Variants in ARAP2 observed in about 807,000 individuals in gnomAD.
ARAP2 encodes arf-GAP with Rho-GAP domain, ANK repeat and PH domain-containing protein 2.
ARAP2 carries 148 observed loss-of-function variants against 194.5 expected under a neutral mutation model. The observed-to-expected ratio is 0.76, with a 90% CI of 0.67 to 0.87. The LOEUF (loss-of-function observed/expected upper bound fraction) is 0.87. ARAP2 is among the 40% of genes least tolerant of loss of function. The pLI is 0.00. For missense variants in ARAP2, 2,128 were observed against 1,989.7 expected (o/e 1.07, Z -1.32); for synonymous variants, 695 against 683.5 (o/e 1.02, Z -0.26).
intron 28 of ARAP2, among the ~76,000 whole-genome samples, chr4:36,087,352 C>T (rs1307205354): frequency 2.0e-5 from 3 of 152,040 alleles, no homozygotes; most frequent in Non-Finnish European, 4.4e-5. Context: ...TTAATCTATT[C>T]TGACAGATAT....
chr4:36,229,528 C>A lies in ARAP2; in HGVS notation c.-42G>T, dbSNP rs780383659. The A allele has an allele frequency of 6.8e-7, 1 of 1,461,930 alleles. No individual in the cohort carries two copies. 90.6% of individuals were successfully genotyped at this position (1,461,930 alleles called of 1,614,324 possible). ...CTAAGCTGAGTTACAAAAAGTGGCA[C>A]GATGAGACACACACACAAGAAGATG... On this transcript the variant is annotated 5_prime_UTR_variant, in exon 2 of 33. Coordinates refer to ENST00000303965, the MANE Select transcript of ARAP2 (RefSeq NM_015230.4).
chr4:36,193,423 T>C (rs1354804550), intron 7 of ARAP2, among the ~76,000 whole-genome samples, 155 bp downstream of exon 7: 5 of 152,338 alleles, frequency 3.3e-5, no homozygotes, highest in Admixed American at 2.6e-4. Context: ...CTGATTTTAA[T>C]TAACTAAGCA....
intron 19 of ARAP2, among the ~76,000 whole-genome samples, chr4:36,146,860 A>G (rs1729740787): frequency 6.6e-6 from 1 of 152,048 alleles, no homozygotes; most frequent in Non-Finnish European, 1.5e-5. Flanking sequence ...TCCCTGATGC[A>G]CAGTAGATGC....
At position 36,210,712 on chromosome 4, in the gene ARAP2, C is replaced by T. The variant is rs767613247; in HGVS notation, c.1165G>A (p.Glu389Lys). Reference protein sequence around the residue: ...IYDNRKEKISEDKVEDIWIPR... With the variant: ...IYDNRKEKISKDKVEDIWIPR... ...ATCCAAATATCTTCCACCTTGTCCT[C>T]GCTTATTTTCTCCTTTCTGTTATCG... The change falls in exon 6 of 33, where the codon GAG becomes AAG. Residue 389 changes from glutamate to lysine, a missense_variant. Coordinates refer to ENST00000303965, the MANE Select transcript of ARAP2 (RefSeq NM_015230.4). 2.0e-5 allele frequency: 32 copies of T among 1,605,142 alleles called. No homozygotes were observed. The highest frequency in any genetic ancestry group is 2.3e-5 in the Non-Finnish European group (27 of 1,177,346).
chr4:36,127,111 T>C (rs982301547), intron 21 of ARAP2, among the ~76,000 whole-genome samples: 1 of 152,046 alleles, frequency 6.6e-6, no homozygotes, highest in Non-Finnish European at 1.5e-5. Flanking sequence ...GCTGGGATTA[T>C]AGGCGTGAGC....
intron 2 of ARAP2, among the ~76,000 whole-genome samples, chr4:36,220,252 CA>C (rs1748856896): frequency 6.6e-6 from 1 of 151,220 alleles, no homozygotes; most frequent in Admixed American, 6.6e-5. Flanking sequence ...TGTGTGTGTA[CA>C]GTCATCCCCG....
chr4:36,153,331 T>G (rs1731450380), intron 15 of ARAP2, among the ~76,000 whole-genome samples: 1 of 152,218 alleles, frequency 6.6e-6, no homozygotes, highest in Non-Finnish European at 1.5e-5. Flanking sequence ...TTATATTGAA[T>G]GATACTGGTC....
At chr4:36,070,753 T>C (rs539444000) in intron 32 of ARAP2, among the ~76,000 whole-genome samples, 1 of 152,340 alleles carries the variant, frequency 6.6e-6, no homozygotes, top group South Asian at 2.1e-4. Context: ...ACTCACTGTA[T>C]TACTTAATCT....
intron 5 of ARAP2, among the ~76,000 whole-genome samples, chr4:36,035,161 C>G (rs533375342): frequency 6.6e-6 from 1 of 151,824 alleles, no homozygotes; most frequent in African/African-American, 2.4e-5. Flanking sequence ...GGCATGGTAC[C>G]CACTCTTTTT....
chr4:36,217,425 G>A (rs1748181366), intron 2 of ARAP2, among the ~76,000 whole-genome samples: 1 of 152,210 alleles, frequency 6.6e-6, no homozygotes, highest in Non-Finnish European at 1.5e-5. Context: ...GGTGGCTGAG[G>A]CAGGAGAATC....
chr4:36,196,128 C>T (rs774262053), intron 6 of ARAP2, among the ~76,000 whole-genome samples: 5 of 152,194 alleles, frequency 3.3e-5, no homozygotes, highest in East Asian at 3.8e-4. Flanking sequence ...AGTTTTGAAA[C>T]CTGCCAAAAC....
chr4:36,046,158 G>C (rs1305425869), intron 4 of ARAP2: 1 of 152,350 alleles, frequency 6.6e-6, no homozygotes, highest in East Asian at 1.9e-4. Flanking sequence ...CCAGCCTATA[G>C]GTAAGTGAGC....
In ARAP2 at chr4:36,225,446, G is replaced by A. The variant is rs189432660; in HGVS notation, c.905+3136C>T. 3.2e-3 allele frequency among the ~76,000 whole-genome samples: 482 copies of A among 152,190 alleles called. 2 individuals are homozygous for A. Among genetic ancestry groups the A allele is most frequent in the Middle Eastern group, 0.014 (4 of 294 alleles). On this transcript the variant is annotated intron_variant, in intron 2 of 32. Coordinates refer to ENST00000303965, the MANE Select transcript of ARAP2 (RefSeq NM_015230.4). ...GCAATGTGGCATCTGCTTTCTGCTT[G>A]GAGGGCTCCCAGGGACTAGCAAGGC...
At chr4:36,047,052 C>T (rs1721947495) in intron 3 of ARAP2, 1 of 152,218 alleles carries the variant, frequency 6.6e-6, no homozygotes, top group Non-Finnish European at 1.5e-5. Flanking sequence ...TTCAGAGGCA[C>T]ATGCTGGGAT....
At position 36,150,744 on chromosome 4, in the gene ARAP2, G is replaced by C. The variant is rs191399269; in HGVS notation, c.2897+156C>G. On this transcript the variant is annotated intron_variant, in intron 16 of 32. Transcript: ENST00000303965. The stretch of plus-strand genomic sequence containing the variant: ...CCTACTTTGTAGTGAATTCCCAAAA[G>C]AAATTTCAGAAGGCGCAAGATAAGT... Among the ~76,000 whole-genome samples, 40 of 152,120 alleles carry C rather than the reference G, an allele frequency of 2.6e-4. No individual in the cohort carries two copies. The East Asian group carries it at 6.4e-3, about 24-fold the overall frequency.
chr4:36,147,888 C>T, intron 17 of ARAP2, 142 bp from the exon 18 acceptor site: 1 of 708,570 alleles, frequency 1.4e-6, no homozygotes. Flanking sequence ...TTCAAAACAA[C>T]TAAACTTGCT....
intron 5 of ARAP2, 43 bp downstream of exon 5, chr4:36,212,353 G>A (rs1050122826): frequency 6.9e-7 from 1 of 1,452,216 alleles, no homozygotes; most frequent in East Asian, 2.3e-5. Context: ...TTGTATAACA[G>A]TTTATTCTAA....
At chr4:36,126,551 A>G (rs1315557740) in intron 21 of ARAP2, among the ~76,000 whole-genome samples, 1 of 152,024 alleles carries the variant, frequency 6.6e-6, no homozygotes, top group African/African-American at 2.4e-5. Context: ...GTACATCAAA[A>G]GAGTTTTATG....
At chr4:36,149,922 T>C (rs1730558516) in intron 16 of ARAP2, among the ~76,000 whole-genome samples, 2 of 152,156 alleles carry the variant, frequency 1.3e-5, no homozygotes, top group Admixed American at 1.3e-4. Context: ...TTAAAATCTA[T>C]GCTCCTATAA....
Sources: gnomAD v4.1 joint callset for allele counts (sites outside exome capture counted in the v4.1 genomes callset) on GRCh38, gnomAD v4.1.1 for gene constraint, MANE v1.5 for transcripts, NCBI Gene and HGNC (gene_info 2026-07-23, HGNC 2026-07-21) for gene names.